FAM24B: variants seen among roughly 807,000 people sequenced by gnomAD.
The protein encoded by FAM24B is protein FAM24B.
FAM24B carries 3 observed loss-of-function variants against 2.3 expected under a neutral mutation model. The observed-to-expected ratio is 1.29, with a 90% CI of 0.59 to 3.32. FAM24B has a LOEUF of 3.32. FAM24B is among the 30% of genes most tolerant of loss of function. The pLI is 0.03. For synonymous variants in FAM24B, 36 were observed against 46.3 expected (o/e 0.78, Z 0.90); for missense variants, 98 against 117.2 (o/e 0.84, Z 0.76).
chr10:122,856,234 G>A (rs1482511275), intron 1 of FAM24B, among the ~76,000 whole-genome samples: 3 of 152,174 alleles, frequency 2.0e-5, no homozygotes, highest in Admixed American at 1.3e-4. Context: ...ATCAGCACAG[G>A]GGCAGCACCC....
At chr10:122,853,091 T>G (rs945243122) in intron 2 of FAM24B, among the ~76,000 whole-genome samples, 1 of 152,212 alleles carries the variant, frequency 6.6e-6, no homozygotes, top group Non-Finnish European at 1.5e-5. Flanking sequence ...CTAGCCTTCC[T>G]TCTTCTCTCC....
At chr10:122,870,440 G>C (rs970141787) in intron 1 of FAM24B, among the ~76,000 whole-genome samples, 12 of 152,068 alleles carry the variant, frequency 7.9e-5, no homozygotes, top group African/African-American at 2.4e-4. Context: ...ATTTTATGAG[G>C]CCAGCATCAT....
At chr10:122,862,398 T>A (rs1485509766) in intron 1 of FAM24B, among the ~76,000 whole-genome samples, 1 of 152,158 alleles carries the variant, frequency 6.6e-6, no homozygotes, top group East Asian at 1.9e-4. Context: ...ACTCAGTAAG[T>A]ATACACATTT....
At position 122,856,416 on chromosome 10, in the gene FAM24B, G is replaced by T. The variant is rs115710014; in HGVS notation, c.-177-630C>A. 5.1e-3 allele frequency among the ~76,000 whole-genome samples: 781 copies of T among 152,310 alleles called. 8 individuals are homozygous for T. The highest frequency in any genetic ancestry group is 0.018 in the African/African-American group (739 of 41,570). ...CAACCTGTCCTGCTGTTCTTGACCTGAACCATCTGTGGCTGCTGCAGCAAG... is the reference window on the plus strand; with the variant it reads ...CAACCTGTCCTGCTGTTCTTGACCTTAACCATCTGTGGCTGCTGCAGCAAG... On this transcript the variant is annotated intron_variant, in intron 1 of 3. Coordinates refer to ENST00000368898, the MANE Select transcript of FAM24B (RefSeq NM_152644.3).
chr10:122,878,410 G>A (rs1217178448), intron 1 of FAM24B, among the ~76,000 whole-genome samples: 1 of 152,080 alleles, frequency 6.6e-6, no homozygotes, highest in East Asian at 1.9e-4. Context: ...GTGCACGCCT[G>A]TAGTCCCAGC....
At chr10:122,856,087 G>A (rs1363415490) in intron 1 of FAM24B, among the ~76,000 whole-genome samples, 1 of 152,210 alleles carries the variant, frequency 6.6e-6, no homozygotes, top group Non-Finnish European at 1.5e-5. Context: ...TGCTGTTCTT[G>A]ACCTGAACCA....
At chr10:122,866,825 T>C (rs888664498) in intron 1 of FAM24B, among the ~76,000 whole-genome samples, 1 of 152,144 alleles carries the variant, frequency 6.6e-6, no homozygotes, top group Non-Finnish European at 1.5e-5. Flanking sequence ...ATGATAACAA[T>C]TAATACCCCT....
At chr10:122,872,508 T>C (rs1051635129) in intron 1 of FAM24B, among the ~76,000 whole-genome samples, 5 of 152,218 alleles carry the variant, frequency 3.3e-5, no homozygotes, top group Admixed American at 3.3e-4. Flanking sequence ...GTGGCATTAT[T>C]CACAATAGCA....
chr10:122,852,789 C>T (rs1007600179), intron 2 of FAM24B, among the ~76,000 whole-genome samples: 1 of 152,194 alleles, frequency 6.6e-6, no homozygotes, highest in African/African-American at 2.4e-5. Flanking sequence ...CAGTAGACAT[C>T]TAGGCTCTCT....
intron 2 of FAM24B, among the ~76,000 whole-genome samples, chr10:122,854,909 G>A (rs917461451): frequency 6.6e-6 from 1 of 152,208 alleles, no homozygotes; most frequent in Admixed American, 6.5e-5. Context: ...CCCGATGCCT[G>A]CTAAATTGCA....
chr10:122,862,107 T>A (rs117871569), intron 1 of FAM24B, among the ~76,000 whole-genome samples: 1 of 152,342 alleles, frequency 6.6e-6, no homozygotes, highest in East Asian at 1.9e-4. Flanking sequence ...TTGCCTAACA[T>A]GCACCAGCCC....
At chr10:122,864,109 C>G (rs968558487) in intron 1 of FAM24B, among the ~76,000 whole-genome samples, 2 of 152,048 alleles carry the variant, frequency 1.3e-5, no homozygotes, top group Admixed American at 1.3e-4. Flanking sequence ...TGAAACAACA[C>G]ATGTTCACTG....
intron 1 of FAM24B, among the ~76,000 whole-genome samples, chr10:122,861,749 G>T (rs1423734554): frequency 6.6e-6 from 1 of 152,116 alleles, no homozygotes; most frequent in South Asian, 2.1e-4. Flanking sequence ...GTTCATTGCT[G>T]GTACACATGA....
chr10:122,858,675 A>G (rs1394352639), intron 1 of FAM24B, among the ~76,000 whole-genome samples: 1 of 152,098 alleles, frequency 6.6e-6, no homozygotes, highest in African/African-American at 2.4e-5. Flanking sequence ...GAAGCAGGAA[A>G]GTTCTAGGAA....
At chr10:122,866,909 T>G (rs1033366413) in intron 1 of FAM24B, among the ~76,000 whole-genome samples, 1 of 152,168 alleles carries the variant, frequency 6.6e-6, no homozygotes, top group Non-Finnish European at 1.5e-5. Flanking sequence ...CTAGAAATGA[T>G]TAAGCTTAGT....
At chr10:122,876,634 G>A (rs1053000506) in intron 1 of FAM24B, among the ~76,000 whole-genome samples, 2 of 152,188 alleles carry the variant, frequency 1.3e-5, no homozygotes, top group Non-Finnish European at 2.9e-5. Flanking sequence ...GCTGCCTCAT[G>A]AGGATTTCTG....
intron 2 of FAM24B, 110 bp from the exon 3 acceptor site, chr10:122,850,660 C>T: frequency 1.5e-6 from 1 of 654,332 alleles, no homozygotes; most frequent in Non-Finnish European, 2.8e-6. Flanking sequence ...AACACAGATC[C>T]TTATGTGTGT....
intron 2 of FAM24B, among the ~76,000 whole-genome samples, chr10:122,852,701 T>C (rs879513142): frequency 3.3e-5 from 5 of 152,028 alleles, no homozygotes; most frequent in Non-Finnish European, 7.4e-5. Context: ...CAGAGGTGAG[T>C]CTCTGCTCTT....
chr10:122,868,601 A>C (rs947871967), intron 1 of FAM24B, among the ~76,000 whole-genome samples: 2 of 152,174 alleles, frequency 1.3e-5, no homozygotes, highest in Admixed American at 1.3e-4. Context: ...GAAACTCTAC[A>C]AGCCAGAAGA....
Sources: gnomAD v4.1 joint callset for allele counts (sites outside exome capture counted in the v4.1 genomes callset) on GRCh38, gnomAD v4.1.1 for gene constraint, MANE v1.5 for transcripts, NCBI Gene and HGNC (gene_info 2026-07-23, HGNC 2026-07-21) for gene names.